The following PIK3C2A variants were observed in gnomAD, a reference collection of about 807,000 sequenced individuals.
The protein encoded by PIK3C2A is phosphatidylinositol-4-phosphate 3-kinase catalytic subunit type 2 alpha, also known as phosphatidylinositol 4-phosphate 3-kinase C2 domain-containing subunit alpha.
In PIK3C2A, 97 loss-of-function variants were observed where a neutral mutation model predicts 204.5. That is an observed-to-expected ratio of 0.47 (90% CI 0.40 to 0.56). PIK3C2A has a LOEUF of 0.56. Ranked by LOEUF, PIK3C2A falls within the 20% of genes least tolerant of loss-of-function variation. The pLI is 0.00. For missense variants in PIK3C2A, 1,735 were observed against 1,969.2 expected (o/e 0.88, Z 2.25); for synonymous variants, 653 against 664.4 (o/e 0.98, Z 0.26).
intron 13 of PIK3C2A, among the ~76,000 whole-genome samples, chr11:17,123,528 G>A (rs1042552071): frequency 2.7e-5 from 4 of 150,252 alleles, no homozygotes; most frequent in Admixed American, 6.7e-5. Context: ...CCAAAGTGCC[G>A]GGATTACAGG....
At chr11:17,141,282 T>A (rs550713112) in intron 8 of PIK3C2A, 1 of 150,266 alleles carries the variant, frequency 6.7e-6, no homozygotes, top group Non-Finnish European at 1.5e-5. Flanking sequence ...TTTTCCTTTT[T>A]TTTTTTTTTT....
Position 17,110,377 on chromosome 11 carries a change from T to C in PIK3C2A, c.3544+55A>G, listed in dbSNP as rs889015690. 58 of 1,432,418 alleles carry C rather than the reference T, an allele frequency of 4.0e-5. No individual in the cohort carries two copies. In the Admixed American group the frequency reaches 4.4e-4, roughly 11 times the overall value. The allele number at this position is 1,432,418 out of a possible 1,614,324, so 88.7% of individuals were successfully genotyped here. ...TCAGGATGTTTACGGCAGGTACACT[T>C]TAAGCTAAGTTCAAGGAAAAAAATA... On this transcript the variant is annotated intron_variant, in intron 22 of 32. Coordinates refer to ENST00000691414, the MANE Select transcript of PIK3C2A (RefSeq NM_002645.4).
intron 24 of PIK3C2A, among the ~76,000 whole-genome samples, chr11:17,101,995 G>C (rs1848650363): frequency 6.6e-6 from 1 of 152,054 alleles, no homozygotes; most frequent in Non-Finnish European, 1.5e-5. Flanking sequence ...ATGAAAATAA[G>C]GTGATATTTA....
At chr11:17,105,021 A>T (rs1848763012) in intron 23 of PIK3C2A, 148 bp downstream of exon 23, 1 of 612,544 alleles carries the variant, frequency 1.6e-6, no homozygotes, top group Non-Finnish European at 2.8e-6. Flanking sequence ...CTTGTTTTAC[A>T]TTCTTTCCTA....
rs10832735 is a variant in PIK3C2A at position 17,095,578 on chromosome 11, A to C, written c.4327-1193T>G. Reference sequence around the variant, plus strand: ...TGCACTCCAGCCTGGGCAACAGAGCAAGACTCCGTCTCAAAAAAATAAAAA... The same window carrying C: ...TGCACTCCAGCCTGGGCAACAGAGCCAGACTCCGTCTCAAAAAAATAAAAA... On this transcript the variant is annotated intron_variant, in intron 27 of 32. Coordinates refer to ENST00000691414, the MANE Select transcript of PIK3C2A (RefSeq NM_002645.4). Among the ~76,000 whole-genome samples, 5 of 150,200 alleles carry C rather than the reference A, an allele frequency of 3.3e-5. No individual in the cohort carries two copies. In the East Asian group the frequency reaches 9.8e-4, roughly 29 times the overall value.
rs1380930507 is a variant in PIK3C2A at position 17,150,629 on chromosome 11, T to C, written c.1196A>G (p.Asn399Ser). The change falls in exon 4 of 33, where the codon AAT becomes AGT. Residue 399 changes from asparagine (N) to serine (S), a missense_variant. Physicochemically the swap from Asn to Ser is conservative, Grantham distance 46. Around this residue, in one of 6 missense-constraint regions of PIK3C2A, gnomAD observed 536 missense variants for 546.7 expected, o/e 0.98. Transcript: ENST00000691414. ...TKLKTKFPYTNHRTNPGYLLS... is the reference protein window; with the variant it reads ...TKLKTKFPYTSHRTNPGYLLS... The stretch of plus-strand genomic sequence containing the variant: ...CAAATAGCCTGGGTTTGTGCGGTGA[T>C]TGGTATATGGAAATTTGGTCTTCAA... 2.4e-5 allele frequency: 39 copies of C among 1,603,392 alleles called. No homozygotes were observed. Among genetic ancestry groups the C allele is most frequent in the Admixed American group, 3.5e-5 (2 of 57,234 alleles).
At chr11:17,173,318 A>G (rs1851237734) in intron 1 of PIK3C2A, among the ~76,000 whole-genome samples, 1 of 152,152 alleles carries the variant, frequency 6.6e-6, no homozygotes, top group Non-Finnish European at 1.5e-5. Context: ...AGAGGATCCA[A>G]ATATGGCCCA....
intron 26 of PIK3C2A, among the ~76,000 whole-genome samples, chr11:17,097,732 G>A (rs938936480): frequency 6.6e-6 from 1 of 152,158 alleles, no homozygotes; most frequent in Non-Finnish European, 1.5e-5. Flanking sequence ...TGGCCAACAT[G>A]GCAAAACCCT....
At chr11:17,198,220 C>T (rs1852230876) in intron 1 of PIK3C2A, among the ~76,000 whole-genome samples, 1 of 151,926 alleles carries the variant, frequency 6.6e-6, no homozygotes. Flanking sequence ...GCCGATTCTC[C>T]TAACTCAGCC....
At chr11:17,152,439 T>C (rs1044305593) in intron 3 of PIK3C2A, among the ~76,000 whole-genome samples, 2 of 152,114 alleles carry the variant, frequency 1.3e-5, no homozygotes, top group African/African-American at 2.4e-5. Flanking sequence ...GTGGGGTTTT[T>C]TTGTAGCGAA....
chr11:17,116,708 G>C (rs1849205894), intron 19 of PIK3C2A, among the ~76,000 whole-genome samples: 1 of 151,820 alleles, frequency 6.6e-6, no homozygotes, highest in East Asian at 1.9e-4. Context: ...TCCTGCCTCA[G>C]CCTCCCGAGC....
At chr11:17,195,387 T>C (rs951510358) in intron 1 of PIK3C2A, among the ~76,000 whole-genome samples, 3 of 150,340 alleles carry the variant, frequency 2.0e-5, no homozygotes, top group Non-Finnish European at 4.4e-5. Flanking sequence ...CATTCCAACC[T>C]GGTGAAAGAG....
chr11:17,093,516 G>A (rs1848369506), intron 28 of PIK3C2A, among the ~76,000 whole-genome samples: 1 of 152,082 alleles, frequency 6.6e-6, no homozygotes, highest in African/African-American at 2.4e-5. Flanking sequence ...CGCCCGCCTT[G>A]GCCTCCCAAA....
chr11:17,110,695 C>T (rs1848974615), intron 21 of PIK3C2A, 134 bp from the exon 22 acceptor site: 8 of 619,766 alleles, frequency 1.3e-5, no homozygotes, highest in Non-Finnish European at 2.1e-5. Context: ...AGTTCGAGAT[C>T]AGCCTGGCCA....
chr11:17,165,151 G>A lies in PIK3C2A; in HGVS notation c.1065+3526C>T, dbSNP rs144802916. ...TGAGCTGAAAAGAAACTGTTCCCAGGGTACTCTATTTTCACATTTGCTATT... is the reference window on the plus strand; with the variant it reads ...TGAGCTGAAAAGAAACTGTTCCCAGAGTACTCTATTTTCACATTTGCTATT... On this transcript the variant is annotated intron_variant, in intron 2 of 32. Transcript: ENST00000691414. 7.8e-4 allele frequency among the ~76,000 whole-genome samples: 119 copies of A among 152,114 alleles called. 1 individual carries two copies. Among genetic ancestry groups the A allele is most frequent in the Non-Finnish European group, 1.2e-3 (82 of 67,982 alleles).
At chr11:17,194,676 A>G (rs1368538760) in intron 1 of PIK3C2A, among the ~76,000 whole-genome samples, 1 of 152,084 alleles carries the variant, frequency 6.6e-6, no homozygotes, top group Non-Finnish European at 1.5e-5. Flanking sequence ...TTGAGAGGCC[A>G]AAGCAGGTGG....
chr11:17,129,476 G>A lies in PIK3C2A; in HGVS notation c.2232-9C>T, dbSNP rs775419481. ...GGATAGGAAAAATGATTCTATGGGG[G>A]GAAAAATGTATTAATAGAACAAATT... On this transcript the variant is annotated splice_polypyrimidine_tract_variant and intron_variant, in intron 12 of 32. Coordinates refer to ENST00000691414, the MANE Select transcript of PIK3C2A (RefSeq NM_002645.4). 13 of 1,560,416 alleles carry A rather than the reference G, an allele frequency of 8.3e-6. No individual in the cohort carries two copies. Among genetic ancestry groups the A allele is most frequent in the Non-Finnish European group, 1.1e-5 (12 of 1,136,754 alleles).
At position 17,132,009 on chromosome 11, in the gene PIK3C2A, A is replaced by G; in HGVS notation, c.2138T>C (p.Leu713Pro). 6.4e-7 allele frequency: 1 copy of G among 1,551,662 alleles called. No individual in the cohort carries two copies. The highest frequency in any genetic ancestry group is 8.8e-7 in the Non-Finnish European group (1 of 1,132,602). ...NYEKYYLICS[L>P]SHNGKDLFKP... The stretch of plus-strand genomic sequence containing the variant: ...AAAAAGATCCTTTCCATTGTGAGAC[A>G]GTGAACATATCAAGTAGTATTTTTC... Residue 713 changes from leucine to proline, a missense_variant, in exon 12 of 33, where the codon CTG (leucine) becomes CCG (proline). By Grantham distance (98) the Leu-to-Pro change is moderately conservative. Around this residue, in one of 6 missense-constraint regions of PIK3C2A, gnomAD observed 567 missense variants for 576.0 expected, o/e 0.98. Coordinates refer to ENST00000691414, the MANE Select transcript of PIK3C2A (RefSeq NM_002645.4).
At chr11:17,135,309 A>G in intron 9 of PIK3C2A, 150 bp from the exon 10 acceptor site, 1 of 787,648 alleles carries the variant, frequency 1.3e-6, no homozygotes. Context: ...TGCAAAAAGA[A>G]AGGGAAAACC....
Sources: gnomAD v4.1 joint callset for allele counts (sites outside exome capture counted in the v4.1 genomes callset) on GRCh38, gnomAD v4.1.1 for gene constraint, gnomAD v4.1.1 regional missense constraint, MANE v1.5 for transcripts, NCBI Gene and HGNC (gene_info 2026-07-23, HGNC 2026-07-21) for gene names.